EPAS1: variants seen among roughly 807,000 people sequenced by gnomAD.
EPAS1 encodes the protein endothelial PAS domain-containing protein 1.
Under a neutral mutation model 87.9 loss-of-function variants are expected in EPAS1, and 23 were observed. The observed-to-expected ratio is 0.26, with a 90% CI of 0.19 to 0.37. The LOEUF is 0.37. Among genes scored for constraint, EPAS1 ranks in the 10% least tolerant of loss-of-function variants. EPAS1 has a pLI of 1.00. For synonymous variants in EPAS1, 508 were observed against 444.3 expected (o/e 1.14, Z -1.80); for missense variants, 1,138 against 1,120.7 (o/e 1.02, Z -0.22).
chr2:46,314,037 T>C (rs11689011), intron 1 of EPAS1, among the ~76,000 whole-genome samples: 76,118 of 152,118 alleles, frequency 0.5, 20,520 homozygotes, highest in Middle Eastern at 0.65. Context: ...GTCATATAGA[T>C]GAAACAACTG....
rs1364413181 is a variant in EPAS1 at position 46,297,952 on chromosome 2, G to A, written c.26+15G>A. On this transcript the variant is annotated intron_variant, in intron 1 of 15. Coordinates refer to ENST00000263734, the MANE Select transcript of EPAS1 (RefSeq NM_001430.5). ...GAGAAGAAAAGGTAAGCGGGCGTCC[G>A]GGCCGATCAGGGGGCCGGTCCGAGG... is the stretch of plus-strand genomic sequence containing the variant. 1.2e-6 allele frequency: 2 copies of A among 1,611,670 alleles called. No individual in the cohort carries two copies. The highest frequency in any genetic ancestry group is 8.5e-7 in the Non-Finnish European group (1 of 1,179,018).
chr2:46,353,236 G>A (rs1333050613), intron 2 of EPAS1, among the ~76,000 whole-genome samples: 1 of 152,178 alleles, frequency 6.6e-6, no homozygotes, highest in African/African-American at 2.4e-5. Context: ...GGTAATTAAG[G>A]TCACTCGTAG....
rs761641935 is a variant in EPAS1 at position 46,384,683 on chromosome 2, C to A, written c.*23C>A. 4 of 1,612,148 alleles carry A rather than the reference C, an allele frequency of 2.5e-6. No homozygotes were observed. The South Asian group carries it at 4.4e-5, about 18-fold the overall frequency. ...TGAGCCAGGCCTTCTACCTGGGCAG[C>A]ACCTCTGCCGACGCCGTCCCACCAG... On this transcript the variant is annotated 3_prime_UTR_variant, in exon 16 of 16. Transcript: ENST00000263734.
At position 46,325,872 on chromosome 2, in the gene EPAS1, G is replaced by A. The variant is rs142647894; in HGVS notation, c.27-21001G>A. Among the ~76,000 whole-genome samples the A allele has an allele frequency of 7.6e-3, 1,163 of 152,306 alleles. 17 individuals are homozygous for A. Among genetic ancestry groups the A allele is most frequent in the African/African-American group, 0.026 (1,067 of 41,564 alleles). On this transcript the variant is annotated intron_variant, in intron 1 of 15. Transcript: ENST00000263734. ...AAGAAGAAACAGAAGGCTGCCATAT[G>A]CAAGGTTAGTGAAAGCCCCTTACCT...
chr2:46,311,814 C>G (rs1683216715), intron 1 of EPAS1, among the ~76,000 whole-genome samples: 1 of 152,112 alleles, frequency 6.6e-6, no homozygotes, highest in South Asian at 2.1e-4. Flanking sequence ...GTGGTGTGGT[C>G]ACTGTGGCCG....
chr2:46,358,785 G>C (rs954478401), intron 4 of EPAS1, among the ~76,000 whole-genome samples: 2 of 152,160 alleles, frequency 1.3e-5, no homozygotes, highest in African/African-American at 4.8e-5. Context: ...GCCTATGGGT[G>C]GACTCGTGAT....
intron 1 of EPAS1, among the ~76,000 whole-genome samples, chr2:46,329,321 C>T (rs991880310): frequency 6.6e-6 from 1 of 152,136 alleles, no homozygotes; most frequent in African/African-American, 2.4e-5. Flanking sequence ...AGCACCTATG[C>T]CGACAGTCCT....
In EPAS1 at chr2:46,382,024, A is replaced by G. The variant is rs377079962; in HGVS notation, c.2222A>G (p.Lys741Arg). The change falls in exon 14 of 16, where the codon AAG becomes AGG. Residue 741 changes from lysine to arginine, a missense_variant. By Grantham distance (26) the Lys-to-Arg change is conservative. This residue lies in a region of EPAS1 where 502 missense variants were observed against 427.1 expected (regional missense o/e 1.18). Coordinates refer to ENST00000263734, the MANE Select transcript of EPAS1 (RefSeq NM_001430.5). Reference sequence around the variant, plus strand: ...TCACATTTGATGTGGAAACGGATGAAGAACCTCAGGGGTGGGAGCTGCCCT... The same window carrying G: ...TCACATTTGATGTGGAAACGGATGAGGAACCTCAGGGGTGGGAGCTGCCCT... ...STSHLMWKRMKNLRGGSCPLM... is the reference protein window; with the variant it reads ...STSHLMWKRMRNLRGGSCPLM... 25 of 1,614,084 alleles carry G rather than the reference A, an allele frequency of 1.5e-5. No homozygotes were observed. In the African/African-American group the frequency reaches 3.1e-4, roughly 20 times the overall value.
intron 6 of EPAS1, 136 bp from the exon 7 acceptor site, chr2:46,369,691 G>A (rs1239186176): frequency 1.4e-6 from 1 of 706,656 alleles, no homozygotes; most frequent in South Asian, 1.5e-5. Context: ...TGGATACATG[G>A]TACAACAAGA....
intron 1 of EPAS1, among the ~76,000 whole-genome samples, chr2:46,326,747 G>T (rs1339904673): frequency 1.3e-5 from 2 of 152,126 alleles, no homozygotes; most frequent in African/African-American, 4.8e-5. Context: ...GTCTAGTGGG[G>T]GCCAGGAAGG....
chr2:46,309,792 T>C (rs1351230567), intron 1 of EPAS1, among the ~76,000 whole-genome samples: 1 of 152,134 alleles, frequency 6.6e-6, no homozygotes, highest in Non-Finnish European at 1.5e-5. Context: ...TGTTGGGAAG[T>C]TTAGGGGCAG....
intron 1 of EPAS1, among the ~76,000 whole-genome samples, chr2:46,343,795 G>A (rs758417797): frequency 1.3e-5 from 2 of 152,254 alleles, no homozygotes; most frequent in African/African-American, 2.4e-5. Context: ...AGTGAAAAGA[G>A]TATTCGCCTA....
Position 46,347,305 on chromosome 2 carries a change from A to G in EPAS1, c.217+242A>G, listed in dbSNP as rs907434915. On this transcript the variant is annotated intron_variant, in intron 2 of 15. Coordinates refer to ENST00000263734, the MANE Select transcript of EPAS1 (RefSeq NM_001430.5). This position sits in a 1 kb window ranked among gnomAD's most constrained non-coding sequence, Gnocchi z 4.2. ...GACAGGACCAGGGAAGAACATGGGC[A>G]CCCAGAGGCTGTGGAGAACACGGGC... The G allele has an allele frequency of 1.7e-6, 1 of 579,700 alleles. No homozygotes were observed. Among genetic ancestry groups the G allele is most frequent in the Non-Finnish European group, 3.1e-6 (1 of 324,334 alleles). 35.9% of individuals were successfully genotyped at this position (579,700 alleles called of 1,614,324 possible).
intron 9 of EPAS1, 73 bp downstream of exon 9, chr2:46,376,826 C>G: frequency 6.7e-7 from 1 of 1,503,032 alleles, no homozygotes; most frequent in Non-Finnish European, 9.2e-7. Flanking sequence ...TATAACAGGC[C>G]TCCCTGGCTG....
Position 46,382,702 on chromosome 2 carries a change from G to A in EPAS1, c.2461+104G>A, listed in dbSNP as rs1257043765. The A allele has an allele frequency of 3.4e-6, 5 of 1,483,802 alleles. No homozygotes were observed. The African/African-American group carries it at 4.2e-5, about 12-fold the overall frequency. 91.9% of individuals were successfully genotyped at this position (1,483,802 alleles called of 1,614,324 possible). On this transcript the variant is annotated intron_variant, in intron 15 of 15. Coordinates refer to ENST00000263734, the MANE Select transcript of EPAS1 (RefSeq NM_001430.5). Reference sequence around the variant, plus strand: ...TCTGCACAGTGCCAGGCACAGGGAGGTGCTTGACTTGAAGTCACCTATACA... The same window carrying A: ...TCTGCACAGTGCCAGGCACAGGGAGATGCTTGACTTGAAGTCACCTATACA...
rs146183916 is a variant in EPAS1, at chr2:46,376,851, C to T, written c.1249+98C>T. ...CTCCCTGGCTGCAGCTTTTTCTTAA[C>T]CAGAGCTACCCCAGCCCCCCAAGTC... On this transcript the variant is annotated intron_variant, in intron 9 of 15. Transcript: ENST00000263734. The T allele has an allele frequency of 6.4e-6, 8 of 1,247,470 alleles. No individual in the cohort carries two copies. In the East Asian group the frequency reaches 1.7e-4, roughly 26 times the overall value. 77.3% of individuals were successfully genotyped at this position (1,247,470 alleles called of 1,614,324 possible).
At chr2:46,298,017 G>A in intron 1 of EPAS1, 80 bp downstream of exon 1, 1 of 1,556,170 alleles carries the variant, frequency 6.4e-7, no homozygotes, top group Non-Finnish European at 8.8e-7. Flanking sequence ...ACCGAGAGTG[G>A]TTGGGAGAAG....
intron 6 of EPAS1, among the ~76,000 whole-genome samples, chr2:46,364,075 G>A (rs1245177802): frequency 2.6e-5 from 4 of 152,154 alleles, no homozygotes; most frequent in Admixed American, 6.5e-5. Flanking sequence ...GGGATGGGGA[G>A]AAGCATATGC....
chr2:46,317,111 G>A (rs551405640), intron 1 of EPAS1, among the ~76,000 whole-genome samples: 3 of 152,314 alleles, frequency 2.0e-5, no homozygotes, highest in African/African-American at 7.2e-5. Flanking sequence ...CACATCTGCA[G>A]TTACTTCCTC....
Sources: allele counts gnomAD v4.1 joint callset (sites outside exome capture counted in the v4.1 genomes callset), GRCh38; gene constraint gnomAD v4.1.1; regional missense constraint gnomAD v4.1.1; non-coding constraint Gnocchi (gnomAD v3.1); transcripts MANE v1.5; gene names NCBI Gene and HGNC (gene_info 2026-07-23, HGNC 2026-07-21).